NCMAP: variants seen among roughly 807,000 people sequenced by gnomAD.
NCMAP encodes noncompact myelin-associated protein.
Under a neutral mutation model 7.8 loss-of-function variants are expected in NCMAP, and 8 were observed. The observed-to-expected ratio is 1.02, with a 90% CI of 0.60 to 1.84. NCMAP has a LOEUF of 1.84. Ranked by LOEUF, NCMAP falls within the 40% of genes most tolerant of loss-of-function variation. NCMAP has a pLI of 0.00. For synonymous variants in NCMAP, 41 were observed against 52.9 expected (o/e 0.78, Z 0.98); for missense variants, 112 against 131.4 (o/e 0.85, Z 0.72).
chr1:24,559,361 C>A (rs6700016), intron 1 of NCMAP, among the ~76,000 whole-genome samples: 34,817 of 151,926 alleles, frequency 0.23, 4,167 homozygotes, highest in African/African-American at 0.28. Flanking sequence ...AAAAGAATTC[C>A]TAATCAGAAG....
At chr1:24,602,322 C>CTG (rs1652528354) in intron 3 of NCMAP, among the ~76,000 whole-genome samples, 3 of 137,062 alleles carry the variant, frequency 2.2e-5, no homozygotes, top group African/African-American at 1.1e-4. Context: ...TGAATATTAT[C>CTG]CTGTAATCCC....
intron 1 of NCMAP, among the ~76,000 whole-genome samples, chr1:24,584,926 T>C (rs56246237): frequency 1.7e-3 from 220 of 126,074 alleles, no homozygotes; most frequent in Non-Finnish European, 2.9e-3. Flanking sequence ...GGAGGACAGA[T>C]GGACAGAAGA....
intron 1 of NCMAP, among the ~76,000 whole-genome samples, chr1:24,579,759 G>A (rs1006833813): frequency 9.2e-5 from 14 of 152,116 alleles, no homozygotes; most frequent in Admixed American, 2.0e-4. Context: ...ACAAAAATCC[G>A]TTCAAAACTC....
chr1:24,602,897 G>C (rs1652558423), intron 3 of NCMAP, among the ~76,000 whole-genome samples: 1 of 151,494 alleles, frequency 6.6e-6, no homozygotes, highest in Non-Finnish European at 1.5e-5. Flanking sequence ...AAAATCAGCT[G>C]GGCATGGTGG....
intron 1 of NCMAP, among the ~76,000 whole-genome samples, chr1:24,568,064 C>T (rs1366230661): frequency 6.6e-6 from 1 of 152,120 alleles, no homozygotes; most frequent in Non-Finnish European, 1.5e-5. Context: ...GCCTGTGACC[C>T]GTTCACATCC....
At chr1:24,570,135 G>A (rs1347732009) in intron 1 of NCMAP, among the ~76,000 whole-genome samples, 7 of 147,004 alleles carry the variant, frequency 4.8e-5, no homozygotes, top group Admixed American at 6.7e-5. Context: ...TTGTGGAGAC[G>A]GGGTCCCCCT....
chr1:24,595,237 T>C (rs183779608), intron 1 of NCMAP, among the ~76,000 whole-genome samples, 187 bp from the exon 2 acceptor site: 138 of 152,328 alleles, frequency 9.1e-4, no homozygotes, highest in African/African-American at 3.2e-3. Flanking sequence ...TCCTTACAAA[T>C]GTCGGGTATT....
chr1:24,598,529 A>C (rs1416404872), intron 2 of NCMAP, among the ~76,000 whole-genome samples: 2 of 152,074 alleles, frequency 1.3e-5, no homozygotes, highest in Non-Finnish European at 2.9e-5. Context: ...TTTGCTCTAC[A>C]TTATGCTTGT....
intron 2 of NCMAP, among the ~76,000 whole-genome samples, chr1:24,596,087 G>A (rs896369728): frequency 1.3e-5 from 2 of 152,062 alleles, no homozygotes; most frequent in Admixed American, 1.3e-4. Flanking sequence ...TTTGAGACCA[G>A]CTTGGCCAAA....
chr1:24,556,559 T>C (rs1304837642), intron 1 of NCMAP, among the ~76,000 whole-genome samples: 5 of 152,160 alleles, frequency 3.3e-5, no homozygotes, highest in Admixed American at 1.3e-4. Context: ...ATCTGTTAAA[T>C]GGGCGCCTTG....
chr1:24,568,582 A>C (rs1431605061), intron 1 of NCMAP, among the ~76,000 whole-genome samples: 2 of 152,154 alleles, frequency 1.3e-5, no homozygotes, highest in African/African-American at 2.4e-5. Context: ...TATTATTATT[A>C]GTAGTAGTAT....
chr1:24,573,952 CA>C (rs78594011), intron 1 of NCMAP, among the ~76,000 whole-genome samples: 20,956 of 84,070 alleles, frequency 0.25, 2,100 homozygotes, highest in East Asian at 0.38. Flanking sequence ...CCAGAGAGGA[CA>C]AAAAAAAAAA....
intron 1 of NCMAP, among the ~76,000 whole-genome samples, chr1:24,561,353 A>C (rs1651044387): frequency 1.3e-5 from 2 of 152,156 alleles, no homozygotes; most frequent in Non-Finnish European, 2.9e-5. Context: ...GTTTCAAAAA[A>C]AGAAAAAGAA....
intron 1 of NCMAP, among the ~76,000 whole-genome samples, chr1:24,579,627 C>A (rs895320616): frequency 6.6e-6 from 1 of 152,176 alleles, no homozygotes; most frequent in African/African-American, 2.4e-5. Context: ...GTAGTCCCAG[C>A]TGCTCAGGAG....
intron 1 of NCMAP, among the ~76,000 whole-genome samples, chr1:24,569,711 G>T (rs893076393): frequency 6.6e-6 from 1 of 150,548 alleles, no homozygotes; most frequent in African/African-American, 2.5e-5. Flanking sequence ...CCTAGGGCTG[G>T]CATGGAATGA....
chr1:24,580,469 G>A (rs1651712284), intron 1 of NCMAP, among the ~76,000 whole-genome samples: 5 of 152,168 alleles, frequency 3.3e-5, no homozygotes. Flanking sequence ...CTTTGGGTGG[G>A]GGGATGGAGT....
chr1:24,598,632 T>C (rs370925749), intron 2 of NCMAP, among the ~76,000 whole-genome samples: 2 of 150,948 alleles, frequency 1.3e-5, no homozygotes, highest in African/African-American at 4.9e-5. Context: ...TTTTCTTTCT[T>C]TTTTTTTTCT....
chr1:24,571,997 C>T (rs1651404064), intron 1 of NCMAP, among the ~76,000 whole-genome samples: 1 of 150,944 alleles, frequency 6.6e-6, no homozygotes. Flanking sequence ...AGCCACATTT[C>T]CGAGGCTCAA....
intron 1 of NCMAP, among the ~76,000 whole-genome samples, chr1:24,583,512 G>A (rs1207433677): frequency 2.0e-5 from 3 of 152,024 alleles, no homozygotes; most frequent in South Asian, 2.1e-4. Flanking sequence ...TCAGGAGTTC[G>A]AGACCAGCCT....
Sources: gnomAD v4.1 joint callset for allele counts (sites outside exome capture counted in the v4.1 genomes callset) on GRCh38, gnomAD v4.1.1 for gene constraint, MANE v1.5 for transcripts, NCBI Gene and HGNC (gene_info 2026-07-23, HGNC 2026-07-21) for gene names.